IGSF11: variants seen among roughly 807,000 people sequenced by gnomAD.
IGSF11 encodes the protein immunoglobulin superfamily member 11, also known as CXADR like 1.
In IGSF11, 22 loss-of-function variants were observed where a neutral mutation model predicts 41.0. The observed-to-expected ratio is 0.54, with a 90% CI of 0.38 to 0.77. IGSF11 has a LOEUF of 0.77. IGSF11 is among the 30% of genes least tolerant of loss of function. The pLI is 0.00. For missense variants in IGSF11, 444 were observed against 530.8 expected (o/e 0.84, Z 1.61); for synonymous variants, 219 against 201.3 (o/e 1.09, Z -0.74).
At chr3:118,965,204 C>T (rs907440199) in intron 1 of IGSF11, among the ~76,000 whole-genome samples, 2 of 151,738 alleles carry the variant, frequency 1.3e-5, no homozygotes, top group African/African-American at 4.8e-5. Context: ...TATAAATAAC[C>T]CCCAGATCAG....
chr3:118,947,379 T>C (rs1214856318), intron 1 of IGSF11: 1 of 152,208 alleles, frequency 6.6e-6, no homozygotes, highest in African/African-American at 2.4e-5. Flanking sequence ...GCAGTAATTA[T>C]AAAGTTTCAT....
chr3:118,980,681 G>GA (rs1185444318), intron 1 of IGSF11, among the ~76,000 whole-genome samples: 1 of 152,184 alleles, frequency 6.6e-6, no homozygotes, highest in Admixed American at 6.5e-5. Flanking sequence ...GAGAGGAAAT[G>GA]AAACGTGCCC....
Position 118,902,978 on chromosome 3 carries a change from A to T in IGSF11, c.855-17T>A. 3 of 1,607,698 alleles carry T rather than the reference A, an allele frequency of 1.9e-6. No homozygotes were observed. The highest frequency in any genetic ancestry group is 2.6e-6 in the Non-Finnish European group (3 of 1,174,874). ...TCATCCTCTCTGAAAGGAACAAAATAAAGTCGTTGTTAGGATTTACTTCAA... is the reference window on the plus strand; with the variant it reads ...TCATCCTCTCTGAAAGGAACAAAATTAAGTCGTTGTTAGGATTTACTTCAA... On this transcript the variant is annotated splice_polypyrimidine_tract_variant and intron_variant, in intron 6 of 6. Transcript: ENST00000393775.
intron 4 of IGSF11, among the ~76,000 whole-genome samples, chr3:118,923,305 T>C (rs1178900150): frequency 6.6e-6 from 1 of 152,148 alleles, no homozygotes; most frequent in East Asian, 1.9e-4. Context: ...CCTTACTTGG[T>C]GAAAGGAACT....
At chr3:119,035,378 T>G (rs1197702202), upstream of IGSF11, among the ~76,000 whole-genome samples, 4 of 152,238 alleles carry the variant, frequency 2.6e-5, no homozygotes, top group Non-Finnish European at 4.4e-5. Flanking sequence ...CGCTGTTTCC[T>G]GGATGCCTTT....
intron 1 of IGSF11, among the ~76,000 whole-genome samples, chr3:118,982,563 G>C (rs985606319): frequency 6.6e-6 from 1 of 151,766 alleles, no homozygotes; most frequent in Non-Finnish European, 1.5e-5. Flanking sequence ...AAGGACAAAG[G>C]GTTTTATCAC....
At chr3:119,129,869 C>T (rs573843853) in intron 1 of IGSF11, among the ~76,000 whole-genome samples, 1 of 152,084 alleles carries the variant, frequency 6.6e-6, no homozygotes, top group African/African-American at 2.4e-5. Flanking sequence ...CCTGTAGGCC[C>T]AGCTACTCAG....
chr3:118,950,847 TG>T (rs1944520813), intron 1 of IGSF11, among the ~76,000 whole-genome samples: 1 of 152,114 alleles, frequency 6.6e-6, no homozygotes, highest in Non-Finnish European at 1.5e-5. Context: ...TTGATGGGGT[TG>T]GGGGAACCTC....
intron 1 of IGSF11, among the ~76,000 whole-genome samples, chr3:118,971,580 G>A (rs1369222011): frequency 6.6e-6 from 1 of 152,116 alleles, no homozygotes; most frequent in East Asian, 1.9e-4. Flanking sequence ...CGAGGTGGGT[G>A]CATCACGAGG....
intron 1 of IGSF11, among the ~76,000 whole-genome samples, chr3:119,049,025 A>G (rs1941497870): frequency 6.6e-6 from 1 of 151,240 alleles, no homozygotes; most frequent in Non-Finnish European, 1.5e-5. Context: ...TCTATGACAA[A>G]CCCACAGCCA....
At chr3:118,916,290 CAATTAAA>C (rs1402601347) in intron 4 of IGSF11, among the ~76,000 whole-genome samples, 1 of 151,934 alleles carries the variant, frequency 6.6e-6, no homozygotes, top group African/African-American at 2.4e-5. Flanking sequence ...CTAAATGCTC[CAATTAAA>C]AGACACAGAC....
At position 118,902,705 on chromosome 3, in the gene IGSF11, T is replaced by C; in HGVS notation, c.1111A>G (p.Thr371Ala). The change falls in exon 7 of 7, where the codon ACT becomes GCT. Residue 371 changes from threonine to alanine, a missense_variant. Physicochemically the swap from Thr to Ala is moderately conservative, Grantham distance 58. This residue lies in a region of IGSF11 where 223 missense variants were observed against 226.2 expected (regional missense o/e 0.99). Transcript: ENST00000393775. ...GTHLVPGQHK[T>A]LVVTANRGSS... ...CCTCTGTTGGCTGTCACTACCAGAG[T>C]CTTATGTTGACCCGGGACCAGATGG... 6.2e-7 allele frequency: 1 copy of C among 1,614,008 alleles called. No homozygotes were observed.
At chr3:118,951,604 A>G (rs554310877) in intron 1 of IGSF11, among the ~76,000 whole-genome samples, 3 of 152,300 alleles carry the variant, frequency 2.0e-5, no homozygotes, top group African/African-American at 4.8e-5. Context: ...GTTATTTACT[A>G]TGTGTTAGGA....
chr3:118,978,704 C>G (rs2107631962), intron 1 of IGSF11, among the ~76,000 whole-genome samples: 1 of 152,340 alleles, frequency 6.6e-6, no homozygotes, highest in Admixed American at 6.5e-5. Flanking sequence ...CATACAGACA[C>G]TGCACTATTG....
intron 4 of IGSF11, among the ~76,000 whole-genome samples, chr3:118,912,920 G>T (rs1396385998): frequency 6.6e-6 from 1 of 152,032 alleles, no homozygotes; most frequent in African/African-American, 2.4e-5. Flanking sequence ...GATTGCTTAA[G>T]GGCCAGGAGT....
chr3:118,974,699 C>T (rs1487253996), intron 1 of IGSF11, among the ~76,000 whole-genome samples: 3 of 152,176 alleles, frequency 2.0e-5, no homozygotes, highest in Admixed American at 6.5e-5. Context: ...AATTCTCCTT[C>T]CTCCTTTTCT....
intron 1 of IGSF11, among the ~76,000 whole-genome samples, chr3:119,016,913 G>C (rs775241038): frequency 6.6e-6 from 1 of 151,916 alleles, no homozygotes; most frequent in Non-Finnish European, 1.5e-5. Context: ...ATCATGTATT[G>C]TTTATGAAAT....
chr3:118,950,237 A>C (rs1703520679), intron 1 of IGSF11, among the ~76,000 whole-genome samples: 2 of 152,080 alleles, frequency 1.3e-5, no homozygotes, highest in African/African-American at 4.8e-5. Flanking sequence ...AAACAATCCT[A>C]TCCACTAACC....
intron 1 of IGSF11, among the ~76,000 whole-genome samples, chr3:119,125,076 A>G (rs1398348509): frequency 6.6e-6 from 1 of 152,252 alleles, no homozygotes; most frequent in Non-Finnish European, 1.5e-5. Flanking sequence ...TCTTTCAAAC[A>G]TGAAGGAAAA....
Sources: allele counts gnomAD v4.1 joint callset (sites outside exome capture counted in the v4.1 genomes callset), GRCh38; gene constraint gnomAD v4.1.1; regional missense constraint gnomAD v4.1.1; transcripts MANE v1.5; gene names NCBI Gene and HGNC (gene_info 2026-07-23, HGNC 2026-07-21).